Variants in BAIAP2 observed in about 807,000 individuals in gnomAD.
The protein encoded by BAIAP2 is BAR/IMD domain-containing adapter protein 2.
A neutral mutation model predicts 63.0 loss-of-function variants in BAIAP2; 18 were observed. The ratio of observed to expected loss-of-function variants is 0.29; its 90% CI spans 0.20 to 0.42. The LOEUF is 0.42. Ranked by LOEUF, BAIAP2 falls within the 10% of genes least tolerant of loss-of-function variation. The pLI, the probability that BAIAP2 is intolerant of heterozygous loss-of-function variation, is 1.00. For synonymous variants in BAIAP2, 386 were observed against 307.6 expected, an observed-to-expected ratio of 1.25 and a Z score of -2.67; for missense variants, 610 against 734.3, an observed-to-expected ratio of 0.83 and a Z score of 1.96.
chr17:81,076,340 G>A (rs1327500390), intron 3 of BAIAP2: 1 of 152,314 alleles, frequency 6.6e-6, no homozygotes, highest in East Asian at 1.9e-4. Flanking sequence ...CTCCATCAAC[G>A]GAGGCCCCGT....
chr17:81,102,526 C>A (rs1253001704), intron 7 of BAIAP2, among the ~76,000 whole-genome samples: 1 of 152,234 alleles, frequency 6.6e-6, no homozygotes, highest in African/African-American at 2.4e-5. Context: ...ATTCACAAAT[C>A]GATGCACAGC....
intron 13 of BAIAP2, among the ~76,000 whole-genome samples, chr17:81,114,517 C>T (rs983523252): frequency 6.6e-6 from 1 of 152,220 alleles, no homozygotes; most frequent in African/African-American, 2.4e-5. Flanking sequence ...GACCCTGAGG[C>T]TCCAGCACGT....
chr17:81,089,079 C>T (rs918928562), intron 6 of BAIAP2, among the ~76,000 whole-genome samples: 3 of 152,372 alleles, frequency 2.0e-5, no homozygotes, highest in East Asian at 1.9e-4. Context: ...CCGTGGGCCC[C>T]GGGTGGTGGG....
At chr17:81,090,280 C>T (rs563929238) in intron 6 of BAIAP2, among the ~76,000 whole-genome samples, 4 of 152,196 alleles carry the variant, frequency 2.6e-5, no homozygotes, top group South Asian at 2.1e-4. Flanking sequence ...TGAGCACTGA[C>T]GGGAAGGGCT....
chr17:81,068,922 C>G (rs547587762), intron 3 of BAIAP2, among the ~76,000 whole-genome samples: 2 of 152,154 alleles, frequency 1.3e-5, no homozygotes, highest in Non-Finnish European at 2.9e-5. Context: ...TGCCCGCTGC[C>G]GAGCTCCAGC....
chr17:81,084,688 C>T (rs2055256672), intron 3 of BAIAP2, 144 bp from the exon 4 acceptor site: 2 of 739,588 alleles, frequency 2.7e-6, no homozygotes, highest in Non-Finnish European at 4.8e-6. Flanking sequence ...CCTCTCCGCC[C>T]TCCCTTCTGG....
chr17:81,075,110 G>A (rs937150585), intron 3 of BAIAP2, among the ~76,000 whole-genome samples: 2 of 152,210 alleles, frequency 1.3e-5, no homozygotes, highest in African/African-American at 2.4e-5. Flanking sequence ...AGCCAGCCTC[G>A]GCTCAGCTCA....
rs2060514280 is a variant in BAIAP2 at position 81,116,081 on chromosome 17, T to C, written c.*242T>C. ...GGCTGCCCAGGGCTGAGGGGCCGCC[T>C]CTTGAGGGTACACGCCTCTGGTCAC... is the stretch of plus-strand genomic sequence containing the variant. On this transcript the variant is annotated 3_prime_UTR_variant, in exon 14 of 14. Transcript: ENST00000428708. The C allele has an allele frequency of 3.1e-5, 47 of 1,494,716 alleles. No individual in the cohort carries two copies. The highest frequency in any genetic ancestry group is 4.2e-5 in the Non-Finnish European group (47 of 1,125,766). 92.6% of individuals were successfully genotyped at this position (1,494,716 alleles called of 1,614,324 possible).
chr17:81,087,220 C>T (rs1389880191), intron 6 of BAIAP2, among the ~76,000 whole-genome samples: 1 of 152,346 alleles, frequency 6.6e-6, no homozygotes, highest in East Asian at 1.9e-4. Context: ...AAGGAAACAT[C>T]AGGAAAACCC....
chr17:81,076,516 C>T (rs1598655329), intron 3 of BAIAP2: 1 of 152,348 alleles, frequency 6.6e-6, no homozygotes, highest in East Asian at 1.9e-4. Flanking sequence ...GAACACACAT[C>T]AGGAAGACAG....
chr17:81,103,773 C>T, intron 8 of BAIAP2, 50 bp downstream of exon 8: 1 of 1,571,966 alleles, frequency 6.4e-7, no homozygotes, highest in Non-Finnish European at 8.6e-7. Flanking sequence ...GGGAGGGCAG[C>T]TTGTTGTCAG....
chr17:81,050,456 C>A (rs538789797), intron 1 of BAIAP2, among the ~76,000 whole-genome samples: 4 of 152,336 alleles, frequency 2.6e-5, no homozygotes, highest in Non-Finnish European at 5.9e-5. Context: ...GTAGGCATGG[C>A]CGCCGTGCTG....
intron 11 of BAIAP2, 53 bp downstream of exon 11, chr17:81,106,199 G>A (rs2059164019): frequency 1.3e-6 from 2 of 1,517,816 alleles, no homozygotes; most frequent in Non-Finnish European, 9.0e-7. Context: ...GAGAGGGGCT[G>A]TGATGACACC....
rs565540678 is a variant in BAIAP2 at position 81,103,027 on chromosome 17, G to T, written c.643-475G>T. Among the ~76,000 whole-genome samples the T allele has an allele frequency of 2.6e-5, 4 of 152,334 alleles. No homozygotes were observed. In the South Asian group the frequency reaches 8.3e-4, roughly 32 times the overall value. On this transcript the variant is annotated intron_variant, in intron 7 of 13. Transcript: ENST00000428708. ...ACGCCCGAGGGAGCGCGGGCTCTTG[G>T]GCCCAAGGGCAGTGGTTGGAGCAGT...
At chr17:81,096,934 AGGAGGT>A (rs1216970280) in intron 6 of BAIAP2, among the ~76,000 whole-genome samples, 1 of 152,104 alleles carries the variant, frequency 6.6e-6, no homozygotes, top group Non-Finnish European at 1.5e-5. Context: ...GTGGAGGAGG[AGGAGGT>A]GGAGGAGAAA....
At chr17:81,052,801 C>G (rs923900309) in intron 1 of BAIAP2, among the ~76,000 whole-genome samples, 2 of 152,200 alleles carry the variant, frequency 1.3e-5, no homozygotes, top group Admixed American at 1.3e-4. Context: ...TGGGGCCCCA[C>G]AGCCTCCTGC....
intron 3 of BAIAP2, among the ~76,000 whole-genome samples, chr17:81,059,512 G>C (rs752934099): frequency 1.3e-5 from 2 of 152,190 alleles, no homozygotes. Flanking sequence ...CAGAACTATC[G>C]TGGCTCACTG....
intron 6 of BAIAP2, among the ~76,000 whole-genome samples, chr17:81,098,389 G>A (rs1050225246): frequency 1.6e-4 from 24 of 151,976 alleles, no homozygotes; most frequent in African/African-American, 5.6e-4. Context: ...CAGTTTCTTG[G>A]TCTGGCTTTG....
chr17:81,055,772 AGCCAGGAT>A (rs2049444814), intron 2 of BAIAP2, among the ~76,000 whole-genome samples: 1 of 151,658 alleles, frequency 6.6e-6, no homozygotes, highest in Non-Finnish European at 1.5e-5. Context: ...TCACTGTGTT[AGCCAGGAT>A]GGTCTCGATC....
Sources: gnomAD v4.1 joint callset for allele counts (sites outside exome capture counted in the v4.1 genomes callset) on GRCh38, gnomAD v4.1.1 for gene constraint, MANE v1.5 for transcripts, NCBI Gene and HGNC (gene_info 2026-07-23, HGNC 2026-07-21) for gene names.